Variants in NBAS observed in about 807,000 individuals in gnomAD.
The protein encoded by NBAS is NAG/BC035112 fusion.
Under a neutral mutation model 302.5 loss-of-function variants are expected in NBAS, and 219 were observed. The ratio of observed to expected loss-of-function variants is 0.72; its 90% CI spans 0.65 to 0.81. The LOEUF is 0.81. NBAS is among the 30% of genes least tolerant of loss of function. The pLI is 0.00. For synonymous variants in NBAS, 1,118 were observed against 1,021.6 expected (o/e 1.09, Z -1.80); for missense variants, 2,932 against 2,841.6 (o/e 1.03, Z -0.72).
At chr2:15,079,821 G>A in the NBAS span, among the ~76,000 whole-genome samples, 2 of 152,186 alleles carry the variant, frequency 1.3e-5, no homozygotes, top group South Asian at 2.1e-4. Flanking sequence ...CTGTGTCTTC[G>A]TTGTCTCCGT....
At chr2:14,948,807 G>A in the NBAS span, among the ~76,000 whole-genome samples, 1 of 151,962 alleles carries the variant, frequency 6.6e-6, no homozygotes, top group Non-Finnish European at 1.5e-5. Flanking sequence ...AAGAACAAAG[G>A]TGGAGGCATC....
chr2:14,972,867 T>C, the NBAS span, among the ~76,000 whole-genome samples: 1 of 152,372 alleles, frequency 6.6e-6, no homozygotes, highest in African/African-American at 2.4e-5. Context: ...TCTCCAGGGA[T>C]GACATCTTCA....
chr2:15,264,885 C>T (rs1055710464), intron 44 of NBAS, among the ~76,000 whole-genome samples: 1 of 152,160 alleles, frequency 6.6e-6, no homozygotes, highest in Non-Finnish European at 1.5e-5. Flanking sequence ...AATTCGAGTG[C>T]AGCCTGAGTG....
At chr2:14,915,655 C>T in the NBAS span, among the ~76,000 whole-genome samples, 7 of 152,184 alleles carry the variant, frequency 4.6e-5, no homozygotes, top group South Asian at 4.2e-4. Flanking sequence ...CTCTGTCTCC[C>T]GGGTTCAAGC....
the NBAS span, among the ~76,000 whole-genome samples, chr2:14,831,524 A>T: frequency 6.6e-6 from 1 of 152,180 alleles, no homozygotes; most frequent in Non-Finnish European, 1.5e-5. Flanking sequence ...GCAATATATT[A>T]CATAGTCATG....
chr2:15,501,583 TA>T lies in NBAS; in HGVS notation c.954+2561del, dbSNP rs1480478060. The stretch of plus-strand genomic sequence containing the variant: ...TAAGTAAATTTTTAAATGAACTAAA[TA>T]TTTTTTTTTTTTTTTTTTTTTTTGA... On this transcript the variant is annotated intron_variant, in intron 11 of 51. Transcript: ENST00000281513. Among the ~76,000 whole-genome samples the T allele has an allele frequency of 6.0e-4, 77 of 127,922 alleles. 1 individual carries two copies. Among genetic ancestry groups the T allele is most frequent in the African/African-American group, 1.8e-3 (65 of 37,138 alleles). 83.9% of individuals were successfully genotyped at this position (127,922 alleles called of 152,430 possible).
chr2:15,271,179 GA>G (rs1387045041), intron 44 of NBAS, among the ~76,000 whole-genome samples: 10 of 152,164 alleles, frequency 6.6e-5, no homozygotes, highest in Non-Finnish European at 1.2e-4. Flanking sequence ...CTTATTTAGA[GA>G]ATCTGAACAG....
At chr2:15,188,122 A>C (rs1207484162) in intron 49 of NBAS, among the ~76,000 whole-genome samples, 1 of 152,242 alleles carries the variant, frequency 6.6e-6, no homozygotes, top group Non-Finnish European at 1.5e-5. Flanking sequence ...CTTTGGTAAC[A>C]AATTATCAAG....
chr2:15,503,909 C>T (rs1661706980), intron 11 of NBAS, among the ~76,000 whole-genome samples: 1 of 152,054 alleles, frequency 6.6e-6, no homozygotes. Flanking sequence ...CCCAAGAGGG[C>T]TGGGTATATT....
In NBAS at chr2:15,394,974, G is replaced by A. The variant is rs111538764; in HGVS notation, c.3135-625C>T. On this transcript the variant is annotated intron_variant, in intron 27 of 51. Transcript: ENST00000281513. ...CAGGACTGAATAGAGTTACTGGATC[G>A]AATCCAGTAACTCTTCAGAATATAG... Among the ~76,000 whole-genome samples the A allele has an allele frequency of 7.2e-3, 1,089 of 152,048 alleles. 10 individuals carry two copies. The highest frequency in any genetic ancestry group is 0.022 in the African/African-American group (926 of 41,516).
At chr2:15,097,581 T>G in the NBAS span, among the ~76,000 whole-genome samples, 1 of 151,914 alleles carries the variant, frequency 6.6e-6, no homozygotes, top group South Asian at 2.1e-4. Flanking sequence ...TAAGGACCCT[T>G]TTCTGAGTTG....
rs746818112 is a variant in NBAS, at chr2:15,352,047, T to A, written c.4124A>T (p.His1375Leu). The A allele has an allele frequency of 6.2e-7, 1 of 1,611,570 alleles. No individual in the cohort carries two copies. The highest frequency in any genetic ancestry group is 8.5e-7 in the Non-Finnish European group (1 of 1,177,888). Reference protein sequence around the residue: ...LYQRVNFQIHHEGGENISASP... With the variant: ...LYQRVNFQIHLEGGENISASP... ...AGCACTGATATTTTCCCCTCCTTCATGATGGATCTGGAAATTCACTCTTTG... is the reference window on the plus strand; with the variant it reads ...AGCACTGATATTTTCCCCTCCTTCAAGATGGATCTGGAAATTCACTCTTTG... Residue 1375 changes from histidine to leucine, a missense_variant, in exon 35 of 52, where the codon CAT becomes CTT. Coordinates refer to ENST00000281513, the MANE Select transcript of NBAS (RefSeq NM_015909.4).
chr2:15,331,230 G>C (rs1672330359), intron 35 of NBAS, among the ~76,000 whole-genome samples: 1 of 152,088 alleles, frequency 6.6e-6, no homozygotes, highest in Non-Finnish European at 1.5e-5. Flanking sequence ...CTATTAAAAG[G>C]CATGTTTCCC....
chr2:14,821,076 G>A, the NBAS span, among the ~76,000 whole-genome samples: 2 of 152,048 alleles, frequency 1.3e-5, no homozygotes, highest in East Asian at 1.9e-4. Context: ...ACAGGCGCCC[G>A]CCACCACGCA....
At chr2:15,034,803 C>A in the NBAS span, among the ~76,000 whole-genome samples, 1 of 152,124 alleles carries the variant, frequency 6.6e-6, no homozygotes, top group Non-Finnish European at 1.5e-5. Flanking sequence ...TCAACCACTT[C>A]TGTAATACCA....
chr2:15,429,834 T>C (rs901655329), intron 21 of NBAS, among the ~76,000 whole-genome samples: 2 of 152,222 alleles, frequency 1.3e-5, no homozygotes, highest in African/African-American at 2.4e-5. Flanking sequence ...GCTACAACCA[T>C]ACTATTTCAT....
chr2:15,441,212 A>G (rs1188388661), intron 21 of NBAS, among the ~76,000 whole-genome samples: 1 of 152,194 alleles, frequency 6.6e-6, no homozygotes, highest in East Asian at 1.9e-4. Context: ...TGTCAGATTC[A>G]CCAAAGTTGA....
At chr2:14,972,627 G>A in the NBAS span, among the ~76,000 whole-genome samples, 2 of 152,148 alleles carry the variant, frequency 1.3e-5, no homozygotes, top group African/African-American at 4.8e-5. Flanking sequence ...GAAGTTAGAC[G>A]ACTTTCTAAG....
chr2:14,826,275 T>C, the NBAS span, among the ~76,000 whole-genome samples: 3 of 152,344 alleles, frequency 2.0e-5, no homozygotes, highest in Admixed American at 1.3e-4. Flanking sequence ...GATTTTGTGA[T>C]GTTTGAGGTA....
Sources: gnomAD v4.1 joint callset for allele counts (sites outside exome capture counted in the v4.1 genomes callset) on GRCh38, gnomAD v4.1.1 for gene constraint, MANE v1.5 for transcripts, NCBI Gene and HGNC (gene_info 2026-07-23, HGNC 2026-07-21) for gene names.